The following FAM78B variants were observed in gnomAD, a reference collection of about 807,000 sequenced individuals.
FAM78B encodes family with sequence similarity 78 member B, also known as protein FAM78B.
Under a neutral mutation model 20.0 loss-of-function variants are expected in FAM78B, and 10 were observed. That is an observed-to-expected ratio of 0.50 (90% CI 0.31 to 0.85). FAM78B has a LOEUF of 0.85. Among genes scored for constraint, FAM78B ranks in the 40% least tolerant of loss-of-function variants. The pLI is 0.05. For synonymous variants in FAM78B, 135 were observed against 132.8 expected, an observed-to-expected ratio of 1.02 and a Z score of -0.12; for missense variants, 283 against 345.0, an observed-to-expected ratio of 0.82 and a Z score of 1.42.
At chr1:166,093,154 A>T (rs1653145456) in intron 1 of FAM78B, among the ~76,000 whole-genome samples, 1 of 152,214 alleles carries the variant, frequency 6.6e-6, no homozygotes, top group Non-Finnish European at 1.5e-5. Context: ...ATAAACACCT[A>T]TTAAATTTTC....
intron 1 of FAM78B, among the ~76,000 whole-genome samples, chr1:166,073,208 T>C (rs1652118336): frequency 6.6e-6 from 1 of 152,168 alleles, no homozygotes; most frequent in Admixed American, 6.5e-5. Flanking sequence ...TGGCCACATG[T>C]AGTCATTGGG....
At chr1:166,069,180 C>T (rs1394065513), downstream of FAM78B, among the ~76,000 whole-genome samples, 1 of 152,080 alleles carries the variant, frequency 6.6e-6, no homozygotes, top group Non-Finnish European at 1.5e-5. Flanking sequence ...GCACTGGTGG[C>T]AAATATGCTA....
chr1:166,103,140 T>C (rs184382036), intron 1 of FAM78B, among the ~76,000 whole-genome samples: 15 of 152,316 alleles, frequency 9.8e-5, no homozygotes, highest in Non-Finnish European at 1.9e-4. Flanking sequence ...GAAATAAAGA[T>C]GTTCTTTGAA....
At chr1:166,090,978 G>A (rs1222866251) in intron 1 of FAM78B, among the ~76,000 whole-genome samples, 1 of 152,124 alleles carries the variant, frequency 6.6e-6, no homozygotes, top group Non-Finnish European at 1.5e-5. Flanking sequence ...TTGGGGTGGG[G>A]GTGCGACTGA....
chr1:166,056,001 C>A (rs1470281925), downstream of FAM78B, among the ~76,000 whole-genome samples: 1 of 152,184 alleles, frequency 6.6e-6, no homozygotes, highest in Non-Finnish European at 1.5e-5. Flanking sequence ...AGAGATCATG[C>A]ATTCTGATAG....
intron 1 of FAM78B, among the ~76,000 whole-genome samples, chr1:166,153,204 A>G (rs917493085): frequency 1.3e-5 from 2 of 152,222 alleles, no homozygotes; most frequent in African/African-American, 4.8e-5. Context: ...GGTGGAGAAC[A>G]GCTTTGCTCT....
At chr1:166,130,374 C>G (rs1256258355) in intron 1 of FAM78B, among the ~76,000 whole-genome samples, 1 of 152,168 alleles carries the variant, frequency 6.6e-6, no homozygotes, top group African/African-American at 2.4e-5. Flanking sequence ...ACTGGAATGC[C>G]AGAGAAGGAG....
intron 1 of FAM78B, among the ~76,000 whole-genome samples, chr1:166,142,599 T>C (rs1455523653): frequency 1.3e-5 from 2 of 152,246 alleles, no homozygotes; most frequent in East Asian, 3.8e-4. Context: ...GTTTGTGATT[T>C]GAGGAATCAT....
At chr1:166,161,053 T>C (rs1345569151) in intron 1 of FAM78B, among the ~76,000 whole-genome samples, 1 of 152,154 alleles carries the variant, frequency 6.6e-6, no homozygotes, top group Non-Finnish European at 1.5e-5. Context: ...GAGCGGCATA[T>C]GGAAACGTTC....
chr1:166,152,709 C>T (rs774606055), intron 1 of FAM78B, among the ~76,000 whole-genome samples: 17 of 149,406 alleles, frequency 1.1e-4, no homozygotes, highest in Non-Finnish European at 2.2e-4. Context: ...GATGGAATCT[C>T]GCTCTGTCAC....
In FAM78B at chr1:166,166,093, G is replaced by A. The variant is rs902521940; in HGVS notation, c.156C>T (p.Ser52=). 6.8e-6 allele frequency: 11 copies of A among 1,613,376 alleles called. No individual in the cohort carries two copies. The highest frequency in any genetic ancestry group is 3.3e-4 in the Middle Eastern group (2 of 6,082). ...LRYKTPYFKA[S]ARVVMPPIPR... ...GGATGGGGGGCATGACCACGCGGGC[G>A]GAGGCTTTGAAGTAGGGGGTCTTGT... Residue 52 remains serine (S), a synonymous_variant, in exon 1 of 2, where the codon TCC becomes TCT. Coordinates refer to ENST00000354422, the MANE Select transcript of FAM78B (RefSeq NM_001017961.5).
intron 1 of FAM78B, among the ~76,000 whole-genome samples, chr1:166,094,941 A>G (rs1653220177): frequency 6.6e-6 from 1 of 152,174 alleles, no homozygotes; most frequent in Non-Finnish European, 1.5e-5. Context: ...AGATATTATT[A>G]GATTGGTTCT....
At chr1:166,077,897 A>ACAAAATAAAATAT (rs1557890991) in intron 1 of FAM78B, among the ~76,000 whole-genome samples, 64 of 7,358 alleles carry the variant, frequency 8.7e-3, no homozygotes, top group East Asian at 0.034. Context: ...AAATATATAT[A>ACAAAATAAAATAT]ATTTATATAT....
intron 1 of FAM78B, among the ~76,000 whole-genome samples, chr1:166,141,387 C>T (rs1233032266): frequency 6.6e-6 from 1 of 152,184 alleles, no homozygotes; most frequent in East Asian, 1.9e-4. Flanking sequence ...TATTCCTCTC[C>T]CTGAACATCT....
At chr1:166,073,833 GAAGT>G (rs1557889001) in intron 1 of FAM78B, among the ~76,000 whole-genome samples, 1 of 152,152 alleles carries the variant, frequency 6.6e-6, no homozygotes, top group Non-Finnish European at 1.5e-5. Context: ...TTCAAGGTCA[GAAGT>G]AAGGGCCATC....
chr1:166,130,249 T>C (rs1055266220), intron 1 of FAM78B, among the ~76,000 whole-genome samples: 2 of 152,230 alleles, frequency 1.3e-5, no homozygotes, highest in Non-Finnish European at 2.9e-5. Flanking sequence ...CTTACCTGAA[T>C]CGCATGATGT....
intron 1 of FAM78B, among the ~76,000 whole-genome samples, chr1:166,127,889 C>T (rs1406248522): frequency 1.3e-5 from 2 of 152,088 alleles, no homozygotes; most frequent in Non-Finnish European, 2.9e-5. Flanking sequence ...CATCGGGTGG[C>T]AAATGGATCC....
At chr1:166,060,637 T>C (rs1447304691) in exon 3 of FAM78B, 1 of 1,289,034 alleles carries the variant, frequency 7.8e-7, no homozygotes. Context: ...TTGTGCTTGC[T>C]GGGCTTTCCT....
intron 1 of FAM78B, among the ~76,000 whole-genome samples, chr1:166,144,209 T>G (rs939997904): frequency 6.6e-6 from 1 of 151,922 alleles, no homozygotes; most frequent in Non-Finnish European, 1.5e-5. Context: ...TGTCAGTCTG[T>G]TGTGTGTGTG....
Sources: allele counts gnomAD v4.1 joint callset (sites outside exome capture counted in the v4.1 genomes callset), GRCh38; gene constraint gnomAD v4.1.1; transcripts MANE v1.5; gene names NCBI Gene and HGNC (gene_info 2026-07-23, HGNC 2026-07-21).